DPYSL3: variants seen among roughly 807,000 people sequenced by gnomAD.
The protein encoded by DPYSL3 is dihydropyrimidinase like 3, also known as dihydropyrimidinase-related protein 3.
A neutral mutation model predicts 66.1 loss-of-function variants in DPYSL3; 16 were observed. The ratio of observed to expected loss-of-function variants is 0.24; its 90% CI spans 0.16 to 0.37. The LOEUF (loss-of-function observed/expected upper bound fraction) is 0.37. Among genes scored for constraint, DPYSL3 ranks in the 10% least tolerant of loss-of-function variants. DPYSL3 has a pLI of 1.00. For missense variants in DPYSL3, 738 were observed against 916.2 expected, an observed-to-expected ratio of 0.81 and a Z score of 2.51; for synonymous variants, 338 against 345.1, an observed-to-expected ratio of 0.98 and a Z score of 0.23.
rs374852075 is a variant in DPYSL3, at chr5:147,455,569, G to T, written c.382-30606C>A. Among the ~76,000 whole-genome samples the T allele has an allele frequency of 3.6e-3, 541 of 152,264 alleles. 3 individuals are homozygous for T. The highest frequency in any genetic ancestry group is 0.018 in the South Asian group (88 of 4,824). Reference sequence around the variant, plus strand: ...TTGTGAAATTACAAAGCATTCTGGGGATTGGCATGCAAATGAGCAGGATTA... The same window carrying T: ...TTGTGAAATTACAAAGCATTCTGGGTATTGGCATGCAAATGAGCAGGATTA... On this transcript the variant is annotated intron_variant, in intron 1 of 13. Transcript: ENST00000343218.
chr5:147,497,914 C>A (rs1753545577), intron 1 of DPYSL3, among the ~76,000 whole-genome samples: 1 of 151,170 alleles, frequency 6.6e-6, no homozygotes, highest in South Asian at 2.1e-4. Flanking sequence ...CTCTCTCTCT[C>A]TTTCTCTCTC....
chr5:147,414,007 A>G (rs1303804578), intron 4 of DPYSL3, among the ~76,000 whole-genome samples: 1 of 152,210 alleles, frequency 6.6e-6, no homozygotes. Context: ...AGTTGTGTTC[A>G]TACCCTGGGG....
chr5:147,478,623 C>G (rs1211806834), intron 1 of DPYSL3, among the ~76,000 whole-genome samples: 1 of 152,176 alleles, frequency 6.6e-6, no homozygotes, highest in Non-Finnish European at 1.5e-5. Context: ...GCCATGCTCT[C>G]TCCTTTATTG....
At chr5:147,447,969 C>T (rs770335922) in intron 1 of DPYSL3, among the ~76,000 whole-genome samples, 1 of 152,184 alleles carries the variant, frequency 6.6e-6, no homozygotes, top group Non-Finnish European at 1.5e-5. Flanking sequence ...ACCTTAGAGA[C>T]TCATTCCTAC....
intron 2 of DPYSL3, among the ~76,000 whole-genome samples, chr5:147,423,822 G>C (rs1346085690): frequency 6.6e-6 from 1 of 152,142 alleles, no homozygotes; most frequent in East Asian, 1.9e-4. Flanking sequence ...CTGGGTTCAA[G>C]TGATTCCCTT....
chr5:147,475,010 A>G (rs1373142931), intron 1 of DPYSL3, among the ~76,000 whole-genome samples: 1 of 152,068 alleles, frequency 6.6e-6, no homozygotes, highest in Non-Finnish European at 1.5e-5. Context: ...GGAATGAAAC[A>G]TGGTACAACC....
chr5:147,463,567 C>T (rs1752966240), intron 1 of DPYSL3, among the ~76,000 whole-genome samples: 1 of 152,062 alleles, frequency 6.6e-6, no homozygotes, highest in South Asian at 2.1e-4. Context: ...GCATCCATCA[C>T]AGAAGAGGCA....
In DPYSL3 at chr5:147,402,341, C is replaced by CTTT. The variant is rs11438535; in HGVS notation, c.1154-648_1154-646dup. On this transcript the variant is annotated intron_variant, in intron 8 of 13. Transcript: ENST00000343218. ...TCCTGTGGATTAGAGACTCTCATGA[C>CTTT]TTTTTTTTTTTTCTTTTTTTTTTTG... is the stretch of plus-strand genomic sequence containing the variant. Among the ~76,000 whole-genome samples the CTTT allele has an allele frequency of 1.8e-3, 244 of 134,956 alleles. 3 individuals are homozygous for CTTT. Among genetic ancestry groups the CTTT allele is most frequent in the East Asian group, 0.011 (50 of 4,686 alleles). 88.5% of individuals were successfully genotyped at this position (134,956 alleles called of 152,430 possible). A position where few individuals can be genotyped will look rare whatever the true frequency, so the allele number is the denominator to read the frequency against.
At chr5:147,508,596 T>C (rs562542737) in intron 1 of DPYSL3, among the ~76,000 whole-genome samples, 41 of 152,274 alleles carry the variant, frequency 2.7e-4, no homozygotes, top group African/African-American at 9.6e-4. Flanking sequence ...CTCTGTGAAA[T>C]AGACACATAA....
intron 1 of DPYSL3, among the ~76,000 whole-genome samples, chr5:147,448,703 A>G (rs148598127): frequency 6.6e-6 from 1 of 152,172 alleles, no homozygotes; most frequent in Non-Finnish European, 1.5e-5. Context: ...ATAGACTTGA[A>G]TTCTCTCAGG....
intron 1 of DPYSL3, among the ~76,000 whole-genome samples, chr5:147,502,111 T>C (rs1191187528): frequency 1.3e-5 from 2 of 152,128 alleles, no homozygotes; most frequent in Admixed American, 1.3e-4. Flanking sequence ...GCCGGCTTTC[T>C]GACTCAGACG....
intron 1 of DPYSL3, among the ~76,000 whole-genome samples, chr5:147,466,492 G>T (rs796628361): frequency 2.0e-5 from 3 of 152,286 alleles, no homozygotes; most frequent in South Asian, 4.1e-4. Context: ...GGAACTACCT[G>T]CACCCTGTCT....
intron 1 of DPYSL3, among the ~76,000 whole-genome samples, chr5:147,431,923 G>A (rs1391964205): frequency 6.6e-6 from 1 of 152,150 alleles, no homozygotes; most frequent in African/African-American, 2.4e-5. Context: ...TCCAGTACAT[G>A]GGTGTGTTTC....
chr5:147,396,110 A>T (rs1376688450), intron 12 of DPYSL3, among the ~76,000 whole-genome samples: 5 of 152,164 alleles, frequency 3.3e-5, no homozygotes, highest in Admixed American at 3.3e-4. Context: ...GAACAGCAGT[A>T]CAGCTGGAGC....
At chr5:147,456,552 A>T (rs1294115952) in intron 1 of DPYSL3, among the ~76,000 whole-genome samples, 1 of 149,624 alleles carries the variant, frequency 6.7e-6, no homozygotes, top group Non-Finnish European at 1.5e-5. Flanking sequence ...CTCTCCACAG[A>T]CAATCTTTCA....
chr5:147,483,760 T>G (rs1257301383), intron 1 of DPYSL3, among the ~76,000 whole-genome samples: 1 of 152,122 alleles, frequency 6.6e-6, no homozygotes, highest in Non-Finnish European at 1.5e-5. Context: ...CGGAGAAAGG[T>G]CTCAGAAAAC....
At chr5:147,479,476 G>C (rs1390947458) in intron 1 of DPYSL3, among the ~76,000 whole-genome samples, 1 of 152,112 alleles carries the variant, frequency 6.6e-6, no homozygotes, top group East Asian at 1.9e-4. Context: ...TGTCTGAAGA[G>C]AGAATGAAAA....
At chr5:147,479,911 C>T (rs558293030) in intron 1 of DPYSL3, among the ~76,000 whole-genome samples, 4 of 152,274 alleles carry the variant, frequency 2.6e-5, no homozygotes, top group Non-Finnish European at 4.4e-5. Flanking sequence ...ATTTAATCCT[C>T]CAAAAGAATC....
At chr5:147,430,854 G>C (rs1301376853) in intron 1 of DPYSL3, among the ~76,000 whole-genome samples, 1 of 152,156 alleles carries the variant, frequency 6.6e-6, no homozygotes, top group Non-Finnish European at 1.5e-5. Flanking sequence ...AAGTCAGACT[G>C]AGAACAGCGC....
Sources: gnomAD v4.1 joint callset for allele counts (sites outside exome capture counted in the v4.1 genomes callset) on GRCh38, gnomAD v4.1.1 for gene constraint, MANE v1.5 for transcripts, NCBI Gene and HGNC (gene_info 2026-07-23, HGNC 2026-07-21) for gene names.